Variants in PTPRD observed in about 807,000 individuals in gnomAD.
PTPRD encodes the protein protein tyrosine phosphatase receptor type D, also known as receptor-type tyrosine-protein phosphatase delta.
A neutral mutation model predicts 214.5 loss-of-function variants in PTPRD; 34 were observed. The ratio of observed to expected loss-of-function variants is 0.16; its 90% CI spans 0.12 to 0.21. The LOEUF is 0.21. Among genes scored for constraint, PTPRD ranks in the 10% least tolerant of loss-of-function variants. The probability of loss-of-function intolerance (pLI) is 1.00; values close to 1 mark genes in which losing one functional copy is unlikely to be tolerated. For synonymous variants in PTPRD, 1,128 were observed against 845.7 expected, an observed-to-expected ratio of 1.33 and a Z score of -5.79; for missense variants, 2,545 against 2,398.7, an observed-to-expected ratio of 1.06 and a Z score of -1.27.
intron 14 of PTPRD, among the ~76,000 whole-genome samples, chr9:8,533,329 T>C (rs1037124345): frequency 6.6e-6 from 1 of 152,002 alleles, no homozygotes; most frequent in African/African-American, 2.4e-5. Context: ...CCCCAACTGA[T>C]TTAACGAAGT....
At chr9:9,325,124 G>A (rs182886328) in intron 9 of PTPRD, among the ~76,000 whole-genome samples, 2,710 of 152,198 alleles carry the variant, frequency 0.018, 72 homozygotes, top group African/African-American at 0.061. Flanking sequence ...GTCAGGTAGC[G>A]TGATGCCTCC....
At chr9:9,980,167 AT>A (rs2095490738) in intron 4 of PTPRD, among the ~76,000 whole-genome samples, 1 of 152,304 alleles carries the variant, frequency 6.6e-6, no homozygotes, top group Non-Finnish European at 1.5e-5. Context: ...AGATATGAAA[AT>A]ACTAGCTATT....
intron 3 of PTPRD, among the ~76,000 whole-genome samples, chr9:10,103,875 C>A (rs1404062747): frequency 1.3e-5 from 2 of 151,642 alleles, no homozygotes; most frequent in African/African-American, 4.8e-5. Flanking sequence ...CAGCACCATT[C>A]TTCACAATAG....
chr9:8,543,225 T>C (rs534691123), intron 14 of PTPRD, among the ~76,000 whole-genome samples: 1 of 152,212 alleles, frequency 6.6e-6, no homozygotes, highest in African/African-American at 2.4e-5. Context: ...TTTCGTTTAG[T>C]TGTAATAGAC....
At chr9:8,721,560 A>T (rs2098498759) in intron 12 of PTPRD, among the ~76,000 whole-genome samples, 1 of 152,112 alleles carries the variant, frequency 6.6e-6, no homozygotes, top group Non-Finnish European at 1.5e-5. Context: ...ATATTAACAA[A>T]ATTAATATAC....
At chr9:8,950,025 T>G (rs1282672050) in intron 11 of PTPRD, among the ~76,000 whole-genome samples, 1 of 152,186 alleles carries the variant, frequency 6.6e-6, no homozygotes, top group Non-Finnish European at 1.5e-5. Context: ...GCTTTGCCCA[T>G]GTTAATTCAT....
Position 8,915,009 on chromosome 9 carries a change from C to G in PTPRD, c.-104+103688G>C, listed in dbSNP as rs368396352. On this transcript the variant is annotated intron_variant, in intron 11 of 45. Coordinates refer to ENST00000381196, the MANE Select transcript of PTPRD (RefSeq NM_002839.4). Reference sequence around the variant, plus strand: ...ACAAAACATGTGCCAGAACCCTGTACGAGAACACATGTTCAAGGAACTATA... The same window carrying G: ...ACAAAACATGTGCCAGAACCCTGTAGGAGAACACATGTTCAAGGAACTATA... Among the ~76,000 whole-genome samples the G allele has an allele frequency of 2.6e-5, 4 of 151,938 alleles. No individual in the cohort carries two copies. The South Asian group carries it at 8.3e-4, about 32-fold the overall frequency.
At chr9:9,987,079 G>C (rs2095740830) in intron 4 of PTPRD, among the ~76,000 whole-genome samples, 1 of 152,090 alleles carries the variant, frequency 6.6e-6, no homozygotes. Flanking sequence ...CTTGACTGGG[G>C]AGGAAGTTAT....
intron 7 of PTPRD, among the ~76,000 whole-genome samples, chr9:9,709,501 T>C (rs1009369649): frequency 5.9e-5 from 9 of 152,026 alleles, no homozygotes; most frequent in Non-Finnish European, 1.3e-4. Context: ...GATAAATTAG[T>C]ATAAAACAAG....
At chr9:8,751,426 A>G (rs1187407776) in intron 11 of PTPRD, among the ~76,000 whole-genome samples, 1 of 152,164 alleles carries the variant, frequency 6.6e-6, no homozygotes, top group African/African-American at 2.4e-5. Context: ...AAAAGAAAAA[A>G]AAATATTTTT....
chr9:8,358,550 C>T (rs2077538859), intron 39 of PTPRD, among the ~76,000 whole-genome samples: 1 of 152,114 alleles, frequency 6.6e-6, no homozygotes, highest in Non-Finnish European at 1.5e-5. Flanking sequence ...TGTTTTCTCA[C>T]CTGTAAAATG....
chr9:9,523,860 T>C (rs2097055047), intron 8 of PTPRD, among the ~76,000 whole-genome samples: 1 of 152,100 alleles, frequency 6.6e-6, no homozygotes, highest in East Asian at 1.9e-4. Flanking sequence ...TGCCGGCCCA[T>C]TACCCCGTGT....
chr9:9,160,984 T>G (rs1175070678), intron 10 of PTPRD, among the ~76,000 whole-genome samples: 2 of 152,080 alleles, frequency 1.3e-5, no homozygotes, highest in Non-Finnish European at 2.9e-5. Flanking sequence ...TCTAACAAAT[T>G]TGATCTCATA....
At chr9:8,463,216 C>T (rs1328095544) in intron 32 of PTPRD, among the ~76,000 whole-genome samples, 2 of 148,324 alleles carry the variant, frequency 1.3e-5, no homozygotes, top group Non-Finnish European at 3.0e-5. Flanking sequence ...GTCATTGTGC[C>T]CAGGAAAGAG....
chr9:10,538,003 T>C (rs2058234572), intron 2 of PTPRD, among the ~76,000 whole-genome samples: 1 of 152,062 alleles, frequency 6.6e-6, no homozygotes, highest in African/African-American at 2.4e-5. Flanking sequence ...ATTTGGAACC[T>C]CTGGTGTAGA....
intron 3 of PTPRD, among the ~76,000 whole-genome samples, chr9:10,073,725 CAT>C (rs1450895029): frequency 6.6e-6 from 1 of 151,992 alleles, no homozygotes. Flanking sequence ...ACATCGTTGA[CAT>C]GTGCCAATAG....
intron 10 of PTPRD, among the ~76,000 whole-genome samples, chr9:9,049,377 G>C (rs1445342552): frequency 6.6e-6 from 1 of 152,310 alleles, no homozygotes; most frequent in East Asian, 1.9e-4. Flanking sequence ...TTTTGGTGTA[G>C]TTTGTAGTGG....
chr9:9,181,628 A>C (rs1251421418), intron 10 of PTPRD, among the ~76,000 whole-genome samples: 1 of 152,082 alleles, frequency 6.6e-6, no homozygotes, highest in African/African-American at 2.4e-5. Flanking sequence ...TTAACAAATG[A>C]GAAATCTCAG....
intron 3 of PTPRD, among the ~76,000 whole-genome samples, chr9:10,041,778 G>GAAA (rs1395731954): frequency 6.6e-6 from 1 of 151,926 alleles, no homozygotes; most frequent in Admixed American, 6.6e-5. Context: ...TTTGGACAAA[G>GAAA]AAAAAATTCA....
Sources: allele counts gnomAD v4.1 joint callset (sites outside exome capture counted in the v4.1 genomes callset), GRCh38; gene constraint gnomAD v4.1.1; transcripts MANE v1.5; gene names NCBI Gene and HGNC (gene_info 2026-07-23, HGNC 2026-07-21).